DLG2: variants seen among roughly 807,000 people sequenced by gnomAD.
The protein encoded by DLG2 is disks large homolog 2.
In DLG2, 45 loss-of-function variants were observed where a neutral mutation model predicts 132.5. That is an observed-to-expected ratio of 0.34 (90% CI 0.27 to 0.44). DLG2 has a LOEUF of 0.44. Among genes scored for constraint, DLG2 ranks in the 20% least tolerant of loss-of-function variants. The probability of loss-of-function intolerance (pLI) is 1.00; values close to 1 mark genes in which losing one functional copy is unlikely to be tolerated. For synonymous variants in DLG2, 424 were observed against 419.6 expected, an observed-to-expected ratio of 1.01 and a Z score of -0.13; for missense variants, 1,045 against 1,196.9, an observed-to-expected ratio of 0.87 and a Z score of 1.87.
chr11:83,787,843 A>G (rs2153891353), intron 17 of DLG2, among the ~76,000 whole-genome samples: 1 of 152,224 alleles, frequency 6.6e-6, no homozygotes, highest in East Asian at 1.9e-4. Flanking sequence ...AAATGCTAAA[A>G]TTTTTCTTGA....
At chr11:83,978,089 T>C (rs963023891) in intron 12 of DLG2, among the ~76,000 whole-genome samples, 3 of 152,088 alleles carry the variant, frequency 2.0e-5, no homozygotes, top group Admixed American at 6.6e-5. Context: ...CTGATCATTA[T>C]ATCTACGATG....
At chr11:83,520,292 A>C (rs2095429552) in intron 21 of DLG2, among the ~76,000 whole-genome samples, 1 of 152,200 alleles carries the variant, frequency 6.6e-6, no homozygotes, top group African/African-American at 2.4e-5. Context: ...GATTTCTCAG[A>C]ACTCTGTGAA....
chr11:85,203,586 G>C (rs1354924304), intron 4 of DLG2, among the ~76,000 whole-genome samples: 1 of 152,008 alleles, frequency 6.6e-6, no homozygotes, highest in African/African-American at 2.4e-5. Context: ...GGACCTGATG[G>C]CTTCACTGCT....
chr11:84,590,361 T>C (rs1322947401), intron 6 of DLG2, among the ~76,000 whole-genome samples: 1 of 152,334 alleles, frequency 6.6e-6, no homozygotes, highest in East Asian at 1.9e-4. Context: ...TCTTAAACTG[T>C]TGGCTATGCT....
chr11:84,608,111 C>G (rs2099589026), intron 6 of DLG2, among the ~76,000 whole-genome samples: 1 of 152,182 alleles, frequency 6.6e-6, no homozygotes, highest in South Asian at 2.1e-4. Context: ...CAACAGGAGA[C>G]TGTGCGACTT....
chr11:83,736,601 G>A (rs1236812017), intron 18 of DLG2, among the ~76,000 whole-genome samples: 2 of 152,124 alleles, frequency 1.3e-5, no homozygotes, highest in Non-Finnish European at 2.9e-5. Flanking sequence ...ATAAAACAGA[G>A]GCCAAAACAT....
chr11:83,996,708 G>A (rs2094046389), intron 11 of DLG2, among the ~76,000 whole-genome samples: 1 of 152,094 alleles, frequency 6.6e-6, no homozygotes, highest in Admixed American at 6.5e-5. Flanking sequence ...AGTGAAATAA[G>A]CAAGAGACAG....
intron 6 of DLG2, among the ~76,000 whole-genome samples, chr11:84,864,740 A>T (rs1338177389): frequency 6.6e-6 from 1 of 152,212 alleles, no homozygotes; most frequent in Non-Finnish European, 1.5e-5. Context: ...ACTAATTGTT[A>T]TGGATAGATG....
At chr11:84,176,165 C>G (rs1314129209) in intron 8 of DLG2, among the ~76,000 whole-genome samples, 4 of 151,794 alleles carry the variant, frequency 2.6e-5, no homozygotes, top group Admixed American at 1.3e-4. Context: ...TCCCCCTCCC[C>G]CTAGCAGACA....
chr11:85,487,379 A>C (rs1437870414), intron 3 of DLG2, among the ~76,000 whole-genome samples: 1 of 151,572 alleles, frequency 6.6e-6, no homozygotes, highest in Non-Finnish European at 1.5e-5. Flanking sequence ...AAAGATGCTC[A>C]GTGAGATACA....
chr11:83,785,822 A>G (rs1027011971), intron 18 of DLG2, among the ~76,000 whole-genome samples: 4 of 152,174 alleles, frequency 2.6e-5, no homozygotes, highest in African/African-American at 7.2e-5. Context: ...TTCCTTGATG[A>G]CATCTTATAC....
At chr11:84,450,833 T>C (rs977206367) in intron 7 of DLG2, among the ~76,000 whole-genome samples, 1 of 151,672 alleles carries the variant, frequency 6.6e-6, no homozygotes, top group Non-Finnish European at 1.5e-5. Context: ...TTATTCATCA[T>C]TGTAGCCTCC....
At chr11:84,872,776 C>T (rs1226459804) in intron 6 of DLG2, among the ~76,000 whole-genome samples, 1 of 152,098 alleles carries the variant, frequency 6.6e-6, no homozygotes, top group Admixed American at 6.5e-5. Flanking sequence ...TCTATTAGAT[C>T]AGAGATTGTA....
chr11:83,869,304 TA>T (rs560045046), intron 16 of DLG2, among the ~76,000 whole-genome samples: 3 of 150,936 alleles, frequency 2.0e-5, no homozygotes, highest in African/African-American at 7.3e-5. Context: ...ACATTAGCTT[TA>T]AAAAAAAAGC....
chr11:83,938,140 A>C (rs933013600), intron 14 of DLG2, among the ~76,000 whole-genome samples: 2 of 152,230 alleles, frequency 1.3e-5, no homozygotes, highest in African/African-American at 2.4e-5. Flanking sequence ...TTTAACCATT[A>C]AAGTTAATAT....
intron 7 of DLG2, among the ~76,000 whole-genome samples, chr11:84,297,140 A>AC (rs2098101345): frequency 6.6e-6 from 1 of 151,820 alleles, no homozygotes; most frequent in Non-Finnish European, 1.5e-5. Flanking sequence ...GAAAAAAAAA[A>AC]AACACCTAGA....
chr11:85,450,476 T>A (rs1207222646), intron 3 of DLG2, among the ~76,000 whole-genome samples: 3 of 152,200 alleles, frequency 2.0e-5, no homozygotes, highest in Non-Finnish European at 4.4e-5. Flanking sequence ...AGCAACCACC[T>A]ACAATTCTAT....
chr11:83,773,615 G>A (rs2044864), intron 18 of DLG2, among the ~76,000 whole-genome samples: 40,013 of 151,988 alleles, frequency 0.26, 6,514 homozygotes, highest in African/African-American at 0.46. Flanking sequence ...GCTATTTTTC[G>A]GCATTGAAGA....
At chr11:85,109,656 T>C (rs2072385673) in intron 6 of DLG2, among the ~76,000 whole-genome samples, 1 of 152,166 alleles carries the variant, frequency 6.6e-6, no homozygotes, top group Non-Finnish European at 1.5e-5. Context: ...ACCAGTGTAT[T>C]AGAGGATCAG....
Sources: allele counts gnomAD v4.1 joint callset (sites outside exome capture counted in the v4.1 genomes callset), GRCh38; gene constraint gnomAD v4.1.1; transcripts MANE v1.5; gene names NCBI Gene and HGNC (gene_info 2026-07-23, HGNC 2026-07-21).